SRPX: variants seen among roughly 807,000 people sequenced by gnomAD.
The protein encoded by SRPX is sushi repeat containing protein X-linked.
SRPX carries 24 observed loss-of-function variants against 38.1 expected under a neutral mutation model. That is an observed-to-expected ratio of 0.63 (90% CI 0.46 to 0.89). The LOEUF (loss-of-function observed/expected upper bound fraction) is 0.89. Ranked by LOEUF, SRPX falls within the 40% of genes least tolerant of loss-of-function variation. The pLI is 0.00. For synonymous variants in SRPX, 184 were observed against 153.8 expected, an observed-to-expected ratio of 1.20 and a Z score of -1.45; for missense variants, 416 against 377.8, an observed-to-expected ratio of 1.10 and a Z score of -0.84.
In SRPX at chrX:38,205,888, G is replaced by A. The variant is rs146013232; in HGVS notation, c.97+14808C>T. On this transcript the variant is annotated intron_variant, in intron 1 of 9. Transcript: ENST00000378533. The stretch of plus-strand genomic sequence containing the variant: ...ATTAAACTCCCATCTCCAATATGCC[G>A]TCCCAAACCAGCTCTGTAGTGGATT... 4.1e-3 allele frequency among the ~76,000 whole-genome samples: 455 copies of A among 112,201 alleles called. 1 individual carries two copies. Among genetic ancestry groups the A allele is most frequent in the African/African-American group, 0.014 (436 of 30,849 alleles).
intron 1 of SRPX, among the ~76,000 whole-genome samples, chrX:38,209,658 A>T (rs1255370069): frequency 8.9e-6 from 1 of 112,465 alleles, no homozygotes; most frequent in Non-Finnish European, 1.9e-5. Context: ...TGGAATTTGG[A>T]TGAGGAAATT....
At chrX:38,149,994 C>T in intron 9 of SRPX, 100 bp from the exon 10 acceptor site, 2 of 748,231 alleles carry the variant, frequency 2.7e-6, no homozygotes, top group Non-Finnish European at 3.7e-6. Flanking sequence ...GCAGAGAAAG[C>T]TTTGATACAA....
rs1413009750 is a variant in SRPX at position 38,167,488 on chromosome X, T to G, written c.527-2593A>C. Among the ~76,000 whole-genome samples, 3 of 111,618 alleles carry G rather than the reference T, an allele frequency of 2.7e-5. No homozygotes were observed. In the Admixed American group the frequency reaches 2.9e-4, roughly 11 times the overall value. ...ACCTAAGCCTGTTATTACCCAGACT[T>G]GGCCCCGATAGCATTTTATAAGTTA... On this transcript the variant is annotated intron_variant, in intron 4 of 9. Coordinates refer to ENST00000378533, the MANE Select transcript of SRPX (RefSeq NM_006307.5).
chrX:38,210,827 C>T (rs1287097304), intron 1 of SRPX, among the ~76,000 whole-genome samples: 2 of 111,863 alleles, frequency 1.8e-5, no homozygotes, highest in Admixed American at 1.9e-4. Flanking sequence ...AGCTGAGCCT[C>T]GTGGTGGGGA....
At chrX:38,187,175 A>G (rs1938803650) in intron 1 of SRPX, among the ~76,000 whole-genome samples, 1 of 112,100 alleles carries the variant, frequency 8.9e-6, no homozygotes, top group Non-Finnish European at 1.9e-5. Flanking sequence ...AGGCCTCCAC[A>G]TCCCTGAGCT....
At chrX:38,206,498 A>C (rs769134437) in intron 1 of SRPX, among the ~76,000 whole-genome samples, 1 of 112,436 alleles carries the variant, frequency 8.9e-6, no homozygotes, top group Admixed American at 9.4e-5. Context: ...TTTACAGTTC[A>C]TTCAGTGACC....
chrX:38,158,577 C>A (rs1473218501), intron 7 of SRPX, among the ~76,000 whole-genome samples: 1 of 111,683 alleles, frequency 9.0e-6, no homozygotes, highest in Non-Finnish European at 1.9e-5. Flanking sequence ...TGCCCTCTTT[C>A]CTGCCCTCTT....
chrX:38,168,340 A>G (rs1938398714), intron 4 of SRPX, among the ~76,000 whole-genome samples: 2 of 111,175 alleles, frequency 1.8e-5, no homozygotes, highest in Admixed American at 1.9e-4. Flanking sequence ...TAAATGAGAG[A>G]GAGAGAGAGA....
intron 8 of SRPX, among the ~76,000 whole-genome samples, chrX:38,156,424 C>A (rs1162944205): frequency 8.9e-6 from 1 of 111,743 alleles, no homozygotes; most frequent in Non-Finnish European, 1.9e-5. Flanking sequence ...TGAGAATTGG[C>A]ATGTCTATCA....
chrX:38,161,353 C>T (rs1202625536), intron 5 of SRPX, among the ~76,000 whole-genome samples: 1 of 109,537 alleles, frequency 9.1e-6, no homozygotes, highest in Non-Finnish European at 1.9e-5. Context: ...AATATAGGGC[C>T]CAAGTCTCCT....
intron 1 of SRPX, among the ~76,000 whole-genome samples, chrX:38,187,467 T>G (rs1236158855): frequency 1.8e-5 from 2 of 112,042 alleles, no homozygotes. Flanking sequence ...ACTCTATGAG[T>G]TCAGATGATC....
rs1569218211 is a variant in SRPX at position 38,220,734 on chromosome X, A to G, written c.59T>C (p.Leu20Pro). ...GCTGGGCGGGACGCGCAGCAGCAGC[A>G]GCAGCAGCAGAGGCGGCAGCAGCAG... ...LLLLLPPLLL[L>P]LLLRVPPSRS... Residue 20 changes from leucine to proline, a missense_variant, in exon 1 of 10, where the codon CTG (leucine) becomes CCG (proline). Physicochemically the swap from Leu to Pro is moderately conservative, Grantham distance 98. Coordinates refer to ENST00000378533, the MANE Select transcript of SRPX (RefSeq NM_006307.5). The G allele has an allele frequency of 8.6e-7, 1 of 1,163,815 alleles. No homozygotes were observed. The highest frequency in any genetic ancestry group is 1.1e-6 in the Non-Finnish European group (1 of 875,702).
chrX:38,215,341 G>T (rs944380095), intron 1 of SRPX, among the ~76,000 whole-genome samples: 2 of 111,661 alleles, frequency 1.8e-5, no homozygotes, highest in Non-Finnish European at 3.8e-5. Context: ...GTCAGAATGT[G>T]CCAGACACCC....
chrX:38,199,385 G>A (rs749632775), intron 1 of SRPX, among the ~76,000 whole-genome samples: 5 of 110,395 alleles, frequency 4.5e-5, no homozygotes, highest in Non-Finnish European at 7.6e-5. Context: ...CAGCCTGGGC[G>A]ACAGAGCGAG....
At chrX:38,171,810 C>A in intron 4 of SRPX, 71 bp downstream of exon 4, 1 of 1,090,936 alleles carries the variant, frequency 9.2e-7, no homozygotes, top group African/African-American at 1.8e-5. Context: ...GCTCCCTTTA[C>A]AATCCACGAT....
At chrX:38,208,311 T>A (rs983991713) in intron 1 of SRPX, among the ~76,000 whole-genome samples, 11 of 111,718 alleles carry the variant, frequency 9.8e-5, no homozygotes, top group Non-Finnish European at 1.9e-4. Context: ...AAGACCCCCT[T>A]GTGGCCCCTC....
chrX:38,153,302 C>CTTTTTTTTTTTTTTTTTT (rs58888978), intron 9 of SRPX, among the ~76,000 whole-genome samples: 9 of 54,736 alleles, frequency 1.6e-4, no homozygotes, highest in Non-Finnish European at 2.9e-4. Flanking sequence ...TTCTTTCTTT[C>CTTTTTTTTTTTTTTTTTT]TTTTTTTTTT....
chrX:38,161,924 T>C (rs951672002), intron 5 of SRPX, among the ~76,000 whole-genome samples: 3 of 112,097 alleles, frequency 2.7e-5, no homozygotes, highest in Non-Finnish European at 5.6e-5. Flanking sequence ...ATGAGAATAT[T>C]TGCTAATAAT....
chrX:38,159,287 T>C (rs942010180), intron 7 of SRPX, among the ~76,000 whole-genome samples: 2 of 112,323 alleles, frequency 1.8e-5, no homozygotes, highest in Non-Finnish European at 3.8e-5. Flanking sequence ...ATTTAGCTGA[T>C]GGTATATATG....
Sources: gnomAD v4.1 joint callset for allele counts (sites outside exome capture counted in the v4.1 genomes callset) on GRCh38, gnomAD v4.1.1 for gene constraint, MANE v1.5 for transcripts, NCBI Gene and HGNC (gene_info 2026-07-23, HGNC 2026-07-21) for gene names.